Variants in GDPD5 observed in about 807,000 individuals in gnomAD.
The protein encoded by GDPD5 is glycerophosphodiester phosphodiesterase domain containing 5, also known as glycerophosphodiester phosphodiesterase 2.
GDPD5 carries 48 observed loss-of-function variants against 75.1 expected under a neutral mutation model. That is an observed-to-expected ratio of 0.64 (90% confidence interval 0.51 to 0.81). The LOEUF (loss-of-function observed/expected upper bound fraction) is 0.81, where lower values mean the gene tolerates loss of function less well. GDPD5 is among the 40% of genes least tolerant of loss of function. The pLI, the probability that GDPD5 is intolerant of heterozygous loss-of-function variation, is 0.00. For missense variants in GDPD5, 706 were observed against 822.6 expected, an observed-to-expected ratio of 0.86 and a Z score of 1.73; for synonymous variants, 336 against 339.0, an observed-to-expected ratio of 0.99 and a Z score of 0.10.
At chr11:75,480,505 T>C (rs1357475531) in intron 2 of GDPD5, among the ~76,000 whole-genome samples, 1 of 152,192 alleles carries the variant, frequency 6.6e-6, no homozygotes, top group African/African-American at 2.4e-5. Context: ...CTGCCACACC[T>C]GGATCATATG....
At chr11:75,470,613 G>A (rs1472543737) in intron 3 of GDPD5, among the ~76,000 whole-genome samples, 1 of 152,118 alleles carries the variant, frequency 6.6e-6, no homozygotes, top group Admixed American at 6.5e-5. Context: ...AAAGCATGAA[G>A]ACTAGAATTT....
At chr11:75,453,443 C>A (rs1443762352) in intron 6 of GDPD5, among the ~76,000 whole-genome samples, 6 of 151,942 alleles carry the variant, frequency 3.9e-5, no homozygotes, top group Admixed American at 3.9e-4. Context: ...ACGGTGAAAC[C>A]TCGTCTCTAC....
chr11:75,493,229 T>TCTCACACACACA (rs774632683), intron 1 of GDPD5, among the ~76,000 whole-genome samples: 8 of 141,006 alleles, frequency 5.7e-5, no homozygotes, highest in African/African-American at 2.1e-4. Context: ...CCCACACATC[T>TCTCACACACACA]CACACACACA....
intron 1 of GDPD5, among the ~76,000 whole-genome samples, chr11:75,493,189 C>T (rs1026231951): frequency 3.6e-4 from 54 of 151,302 alleles, no homozygotes; most frequent in African/African-American, 1.1e-3. Flanking sequence ...GACCCACCCC[C>T]CGAACACCCT....
At chr11:75,475,608 A>G (rs1308485842) in intron 3 of GDPD5, among the ~76,000 whole-genome samples, 1 of 152,044 alleles carries the variant, frequency 6.6e-6, no homozygotes, top group Non-Finnish European at 1.5e-5. Context: ...GGGAACCAGG[A>G]AGTAGGAGGA....
intron 2 of GDPD5, among the ~76,000 whole-genome samples, chr11:75,481,895 T>C (rs945440477): frequency 6.6e-6 from 1 of 152,104 alleles, no homozygotes; most frequent in African/African-American, 2.4e-5. Flanking sequence ...CCTTGGTTTC[T>C]GAATCTGTAA....
intron 1 of GDPD5, among the ~76,000 whole-genome samples, chr11:75,493,797 G>T (rs185335704): frequency 6.6e-6 from 1 of 152,226 alleles, no homozygotes; most frequent in African/African-American, 2.4e-5. Flanking sequence ...CTCTATTCCG[G>T]TCTTGCTGTG....
At chr11:75,469,447 T>A (rs1029191523) in intron 3 of GDPD5, among the ~76,000 whole-genome samples, 1 of 152,114 alleles carries the variant, frequency 6.6e-6, no homozygotes, top group African/African-American at 2.4e-5. Context: ...AGGGCACACA[T>A]AATGGTGGAA....
chr11:75,476,874 C>T (rs1949790004), intron 3 of GDPD5, among the ~76,000 whole-genome samples: 2 of 152,178 alleles, frequency 1.3e-5, no homozygotes, highest in South Asian at 2.1e-4. Context: ...GCCACCGCTC[C>T]CCATCCCCCA....
chr11:75,480,261 G>C (rs898447027), intron 2 of GDPD5, among the ~76,000 whole-genome samples: 1 of 151,896 alleles, frequency 6.6e-6, no homozygotes, highest in African/African-American at 2.4e-5. Flanking sequence ...CTTAAACCTG[G>C]GAGGCAGAGG....
intron 1 of GDPD5, among the ~76,000 whole-genome samples, chr11:75,514,217 A>C (rs984160127): frequency 7.2e-5 from 11 of 152,198 alleles, no homozygotes; most frequent in Non-Finnish European, 1.6e-4. Context: ...GGTCTGAGAG[A>C]TGGACTCAGC....
rs942993910 is a variant in GDPD5 at position 75,462,609 on chromosome 11, G to C, written c.221+177C>G. On this transcript the variant is annotated intron_variant, in intron 4 of 16. Coordinates refer to ENST00000336898, the MANE Select transcript of GDPD5 (RefSeq NM_030792.8). ...CACCAGCCTCCTCACCAAAGCCCTG[G>C]AGGTGAGCAGGACAGAGGCTCCCAG... is the stretch of plus-strand genomic sequence containing the variant. 7.9e-5 allele frequency among the ~76,000 whole-genome samples: 12 copies of C among 151,810 alleles called. No individual in the cohort carries two copies. The East Asian group carries it at 2.3e-3, about 30-fold the overall frequency.
At chr11:75,484,651 G>A (rs77447468) in intron 2 of GDPD5, among the ~76,000 whole-genome samples, 8,349 of 152,184 alleles carry the variant, frequency 0.055, 339 homozygotes, top group East Asian at 0.14. Context: ...TGAGGAAGCC[G>A]AGGCAGGAGG....
At chr11:75,476,923 C>T (rs1439309919) in intron 3 of GDPD5, among the ~76,000 whole-genome samples, 1 of 152,068 alleles carries the variant, frequency 6.6e-6, no homozygotes, top group Non-Finnish European at 1.5e-5. Flanking sequence ...CCACTCCAGC[C>T]TCTTCTGGGG....
chr11:75,510,798 C>T (rs919485517), intron 1 of GDPD5, among the ~76,000 whole-genome samples: 5 of 152,006 alleles, frequency 3.3e-5, no homozygotes, highest in Non-Finnish European at 5.9e-5. Flanking sequence ...TCTTGACCTC[C>T]CTTGCAACAT....
intron 3 of GDPD5, among the ~76,000 whole-genome samples, chr11:75,466,376 G>C (rs1465123975): frequency 6.6e-6 from 1 of 152,148 alleles, no homozygotes; most frequent in African/African-American, 2.4e-5. Flanking sequence ...GAAGGGGAAG[G>C]TGAGGAAGTA....
At chr11:75,509,640 A>T (rs2135479847) in intron 1 of GDPD5, among the ~76,000 whole-genome samples, 1 of 152,346 alleles carries the variant, frequency 6.6e-6, no homozygotes, top group Non-Finnish European at 1.5e-5. Flanking sequence ...TACTATTAAC[A>T]GACAAGAAGG....
Position 75,442,569 on chromosome 11 carries a change from A to G in GDPD5, c.961T>C (p.Trp321Arg), listed in dbSNP as rs750470860. The G allele has an allele frequency of 1.2e-5, 20 of 1,614,104 alleles. No individual in the cohort carries two copies. The East Asian group carries it at 4.5e-4, about 36-fold the overall frequency. ...GAGGGTGACAGGGAGCTGGCTGTCC[A>G]GAAGGGGTCAGTCTGGCAGGGACAG... ...GQWFLKTDPF[W>R]TASSLSPSDH... Residue 321 changes from tryptophan to arginine, a missense_variant, in exon 12 of 17, where the codon TGG becomes CGG. Coordinates refer to ENST00000336898, the MANE Select transcript of GDPD5 (RefSeq NM_030792.8).
At position 75,457,792 on chromosome 11, in the gene GDPD5, A is replaced by G. The variant is rs1949319657; in HGVS notation, c.222-6T>C. 1 of 1,612,028 alleles carries G rather than the reference A, an allele frequency of 6.2e-7. No individual in the cohort carries two copies. The highest frequency in any genetic ancestry group is 1.1e-5 in the South Asian group (1 of 91,038). ...CCATGCGGTTGTAGAGGTACCTGCC[A>G]GGAGGAGAGGGGGCAGGGGTCAGAC... On this transcript the variant is annotated splice_polypyrimidine_tract_variant and splice_region_variant and intron_variant, in intron 4 of 16. Coordinates refer to ENST00000336898, the MANE Select transcript of GDPD5 (RefSeq NM_030792.8).
Sources: allele counts gnomAD v4.1 joint callset (sites outside exome capture counted in the v4.1 genomes callset), GRCh38; gene constraint gnomAD v4.1.1; transcripts MANE v1.5; gene names NCBI Gene and HGNC (gene_info 2026-07-23, HGNC 2026-07-21).